RYR2: variants seen among roughly 807,000 people sequenced by gnomAD.
RYR2 encodes the protein cardiac muscle ryanodine receptor-calcium release channel.
A neutral mutation model predicts 601.1 loss-of-function variants in RYR2; 227 were observed. That is an observed-to-expected ratio of 0.38 (90% CI 0.34 to 0.42). The LOEUF (loss-of-function observed/expected upper bound fraction) is 0.42, where lower values mean the gene tolerates loss of function less well. RYR2 is among the 10% of genes least tolerant of loss of function. RYR2 has a pLI of 1.00. For missense variants in RYR2, 4,646 were observed against 6,156.5 expected (o/e 0.75, Z 8.21); for synonymous variants, 2,223 against 2,175.1 (o/e 1.02, Z -0.61).
intron 35 of RYR2, among the ~76,000 whole-genome samples, chr1:237,606,937 A>C (rs1384633625): frequency 6.6e-6 from 1 of 152,220 alleles, no homozygotes; most frequent in Non-Finnish European, 1.5e-5. Flanking sequence ...GGTGCTGGAG[A>C]AGATGTGGAG....
chr1:237,619,047 G>A (rs2148622953), intron 38 of RYR2, among the ~76,000 whole-genome samples: 1 of 152,230 alleles, frequency 6.6e-6, no homozygotes, highest in South Asian at 2.1e-4. Context: ...GATACCCTAA[G>A]CCCTTCTCCT....
intron 3 of RYR2, chr1:237,333,702 T>C (rs967886286): frequency 5.9e-5 from 27 of 454,708 alleles, no homozygotes; most frequent in Non-Finnish European, 8.8e-6. Flanking sequence ...ATATCATCTT[T>C]TCTAGTGCCT....
intron 1 of RYR2, among the ~76,000 whole-genome samples, chr1:237,056,431 T>C (rs35966328): frequency 4.5e-3 from 329 of 72,382 alleles, no homozygotes; most frequent in Middle Eastern, 0.037. Flanking sequence ...CCTGTGAGGA[T>C]TGGAGCACTG....
chr1:237,553,225 C>G (rs577157304), intron 27 of RYR2, among the ~76,000 whole-genome samples: 1 of 152,050 alleles, frequency 6.6e-6, no homozygotes, highest in East Asian at 1.9e-4. Flanking sequence ...GGTGTGTGAT[C>G]TAAAGTGAGT....
At chr1:237,181,198 G>T (rs1260859343) in intron 1 of RYR2, among the ~76,000 whole-genome samples, 1 of 151,984 alleles carries the variant, frequency 6.6e-6, no homozygotes, top group Non-Finnish European at 1.5e-5. Flanking sequence ...TGCCCAGGCT[G>T]GTCTTGAACT....
chr1:237,477,774 C>T (rs1010636960), intron 17 of RYR2, among the ~76,000 whole-genome samples: 9 of 152,134 alleles, frequency 5.9e-5, no homozygotes, highest in Non-Finnish European at 1.3e-4. Context: ...TCAATCTTCT[C>T]AAGCCAACTT....
intron 24 of RYR2, among the ~76,000 whole-genome samples, chr1:237,517,931 C>T (rs1447086899): frequency 6.6e-6 from 1 of 152,110 alleles, no homozygotes; most frequent in Non-Finnish European, 1.5e-5. Flanking sequence ...AACTTTGTGA[C>T]TTTTTTATAC....
At chr1:237,776,140 AC>A (rs1345611582) in intron 87 of RYR2, among the ~76,000 whole-genome samples, 2 of 152,170 alleles carry the variant, frequency 1.3e-5, no homozygotes, top group Non-Finnish European at 2.9e-5. Context: ...TCTAGTGTTC[AC>A]CTCTTGCACT....
chr1:237,249,730 C>G (rs562287935), intron 1 of RYR2, among the ~76,000 whole-genome samples: 1 of 152,198 alleles, frequency 6.6e-6, no homozygotes, highest in South Asian at 2.1e-4. Context: ...CTGTTAGTTG[C>G]TTCCTTTATT....
At chr1:237,103,073 G>T (rs12072888) in intron 1 of RYR2, among the ~76,000 whole-genome samples, 155 of 152,240 alleles carry the variant, frequency 1.0e-3, no homozygotes, top group African/African-American at 3.7e-3. Flanking sequence ...TTTCTGGGAT[G>T]GAAAAGCTGG....
At chr1:237,222,592 C>T (rs974201849) in intron 1 of RYR2, among the ~76,000 whole-genome samples, 12 of 151,904 alleles carry the variant, frequency 7.9e-5, no homozygotes, top group Middle Eastern at 3.2e-3. Context: ...TTTGATAGTA[C>T]GCTGGAAAGA....
At chr1:237,481,809 C>CAAAAAA (rs553197529) in intron 17 of RYR2, among the ~76,000 whole-genome samples, 2 of 46,876 alleles carry the variant, frequency 4.3e-5, no homozygotes, top group African/African-American at 7.3e-5. Context: ...TGCTGTGTAG[C>CAAAAAA]AAAAAAAAAA....
chr1:237,331,267 T>G (rs907453967), intron 3 of RYR2, among the ~76,000 whole-genome samples: 14 of 152,244 alleles, frequency 9.2e-5, no homozygotes, highest in African/African-American at 3.4e-4. Flanking sequence ...TTTCATTACA[T>G]TTTCAGAGCT....
intron 24 of RYR2, among the ~76,000 whole-genome samples, chr1:237,514,910 T>C (rs2147794353): frequency 6.6e-6 from 1 of 152,356 alleles, no homozygotes; most frequent in Non-Finnish European, 1.5e-5. Flanking sequence ...GTTTAATAAA[T>C]ATATCATGGG....
intron 1 of RYR2, among the ~76,000 whole-genome samples, chr1:237,249,052 A>G (rs1408939607): frequency 6.6e-6 from 1 of 152,148 alleles, no homozygotes. Flanking sequence ...GGCGTGAGCC[A>G]TTGCGCCCGG....
intron 1 of RYR2, among the ~76,000 whole-genome samples, chr1:237,095,069 G>A (rs904312901): frequency 6.6e-6 from 1 of 152,218 alleles, no homozygotes; most frequent in Non-Finnish European, 1.5e-5. Flanking sequence ...GTTAAGTAAT[G>A]TCTTCAGGTT....
chr1:237,467,491 A>G (rs143978949), intron 16 of RYR2, among the ~76,000 whole-genome samples: 4 of 152,178 alleles, frequency 2.6e-5, no homozygotes, highest in East Asian at 1.9e-4. Context: ...TGTACTCTGC[A>G]GTCTGTGAGT....
chr1:237,660,687 T>C (rs1683698749), intron 55 of RYR2, 123 bp from the exon 56 acceptor site: 1 of 799,540 alleles, frequency 1.3e-6, no homozygotes, highest in Admixed American at 3.5e-5. Context: ...TTTATATTTT[T>C]AAATAAGCTA....
Position 237,180,972 on chromosome 1 carries a change from C to T in RYR2, c.49-89525C>T, listed in dbSNP as rs1678685305. ...GAGCAGATTTATCCAATATGCTAAG[C>T]ACTTTTATTATTTATTTGTTTATTT... is the stretch of plus-strand genomic sequence containing the variant. On this transcript the variant is annotated intron_variant, in intron 1 of 104. Transcript: ENST00000366574. The surrounding 1 kb of genome is among the most constrained non-coding windows in gnomAD (Gnocchi z 5.3). Among the ~76,000 whole-genome samples the T allele has an allele frequency of 6.6e-6, 1 of 151,186 alleles. No individual in the cohort carries two copies. Among genetic ancestry groups the T allele is most frequent in the Admixed American group, 6.6e-5 (1 of 15,114 alleles).
Sources: gnomAD v4.1 joint callset for allele counts (sites outside exome capture counted in the v4.1 genomes callset) on GRCh38, gnomAD v4.1.1 for gene constraint, Gnocchi (gnomAD v3.1) non-coding constraint, MANE v1.5 for transcripts, NCBI Gene and HGNC (gene_info 2026-07-23, HGNC 2026-07-21) for gene names.